The following MYO1F variants were observed in gnomAD, a reference collection of about 807,000 sequenced individuals.
MYO1F encodes unconventional myosin-If.
A neutral mutation model predicts 146.6 loss-of-function variants in MYO1F; 60 were observed. The ratio of observed to expected loss-of-function variants is 0.41; its 90% confidence interval spans 0.33 to 0.51. The LOEUF is 0.51. Ranked by LOEUF, MYO1F falls within the 20% of genes least tolerant of loss-of-function variation. The pLI is 0.25. For missense variants in MYO1F, 1,274 were observed against 1,534.3 expected, an observed-to-expected ratio of 0.83 and a Z score of 2.83; for synonymous variants, 602 against 602.1, an observed-to-expected ratio of 1.00 and a Z score of 0.00.
chr19:8,552,613 CTGAAGTCTATGA>C (rs1973661671), intron 6 of MYO1F, among the ~76,000 whole-genome samples: 1 of 152,038 alleles, frequency 6.6e-6, no homozygotes, highest in Non-Finnish European at 1.5e-5. Flanking sequence ...AGGTGTAATA[CTGAAGTCTATGA>C]GATGGATATT....
Position 8,546,383 on chromosome 19 carries a change from C to T in MYO1F, c.1270-647G>A, listed in dbSNP as rs571781107. Among the ~76,000 whole-genome samples the T allele has an allele frequency of 9.3e-5, 14 of 150,912 alleles. No individual in the cohort carries two copies. The East Asian group carries it at 9.8e-4, about 11-fold the overall frequency. On this transcript the variant is annotated intron_variant, in intron 12 of 27. Transcript: ENST00000644032. Reference sequence around the variant, plus strand: ...ACAGCTTGCTTTTTTTTTTTGAGACCGGGTTTTGCTCTGTTACCCAGGCTG... The same window carrying T: ...ACAGCTTGCTTTTTTTTTTTGAGACTGGGTTTTGCTCTGTTACCCAGGCTG...
chr19:8,545,304 G>C (rs1465263140), intron 13 of MYO1F: 1 of 332,506 alleles, frequency 3.0e-6, no homozygotes, highest in Non-Finnish European at 5.9e-6. Flanking sequence ...GGTCAGGCTG[G>C]TCTCGAACTC....
chr19:8,557,296 AAAC>A (rs1973902473), intron 1 of MYO1F, among the ~76,000 whole-genome samples: 1 of 152,042 alleles, frequency 6.6e-6, no homozygotes, highest in Non-Finnish European at 1.5e-5. Flanking sequence ...ACAACCAAAC[AAAC>A]AACAAAAAAA....
Position 8,526,825 on chromosome 19 carries a change from G to A in MYO1F, c.2585C>T (p.Ala862Val), listed in dbSNP as rs528354232. The A allele has an allele frequency of 5.0e-6, 8 of 1,613,588 alleles. No homozygotes were observed. The highest frequency in any genetic ancestry group is 6.8e-6 in the Non-Finnish European group (8 of 1,179,864). ...GGTGAGGGGCAGGGGCCTCCGCGTC[G>A]CCTCCTCGAAGCGCTTGCACAGAAG... ...VSLLCKRFEE[A>V]TRRPLPLTFS... Residue 862 changes from alanine to valine, a missense_variant, in exon 23 of 28, where the codon GCG becomes GTG. Physicochemically the swap from Ala to Val is moderately conservative, Grantham distance 64. This residue lies in a region of MYO1F where 374 missense variants were observed against 379.2 expected (regional missense o/e 0.99). Coordinates refer to ENST00000644032, the MANE Select transcript of MYO1F (RefSeq NM_012335.4).
At chr19:8,554,015 G>A (rs568298529) in intron 4 of MYO1F, among the ~76,000 whole-genome samples, 1 of 151,936 alleles carries the variant, frequency 6.6e-6, no homozygotes, top group African/African-American at 2.4e-5. Context: ...GGAGTGCAGT[G>A]GTGTGATCAT....
intron 12 of MYO1F, among the ~76,000 whole-genome samples, chr19:8,546,828 A>T (rs1462389575): frequency 6.6e-6 from 1 of 152,034 alleles, no homozygotes; most frequent in African/African-American, 2.4e-5. Flanking sequence ...ACAGGTGCCC[A>T]GCACCACACC....
Position 8,574,577 on chromosome 19 carries a change from T to TTCTTTC in MYO1F, c.3+2729_3+2730insGAAAGA, listed in dbSNP as rs1335184271. Among the ~76,000 whole-genome samples the TTCTTTC allele has an allele frequency of 3.0e-3, 240 of 79,662 alleles. 1 individual carries two copies. The highest frequency in any genetic ancestry group is 6.0e-3 in the Middle Eastern group (1 of 166). 52.3% of individuals were successfully genotyped at this position (79,662 alleles called of 152,430 possible). On this transcript the variant is annotated intron_variant, in intron 1 of 27. Transcript: ENST00000644032. ...TTTCTTTCTTTCTTTCTTTCTTTCT[T>TTCTTTC]TCTCTCTCTCTCTCTCTCTCTTTCT...
rs1972303387 is a variant in MYO1F at position 8,527,077 on chromosome 19, G to A, written c.2475-142C>T. The stretch of plus-strand genomic sequence containing the variant: ...GCGGTGACCAGGTAGGAGAAAAAGG[G>A]GGATGTGGCAAGGAGTGGAAGAGGT... On this transcript the variant is annotated intron_variant, in intron 22 of 27. Transcript: ENST00000644032. The A allele has an allele frequency of 1.3e-5, 16 of 1,194,372 alleles. No individual in the cohort carries two copies. In the South Asian group the frequency reaches 2.0e-4, roughly 15 times the overall value. The allele number at this position is 1,194,372 out of a possible 1,614,324, so 74.0% of individuals were successfully genotyped here.
At chr19:8,574,552 T>TC (rs2042170959) in intron 1 of MYO1F, among the ~76,000 whole-genome samples, 1 of 83,674 alleles carries the variant, frequency 1.2e-5, no homozygotes, top group African/African-American at 5.8e-5. Context: ...TCTTTCTTTC[T>TC]TTCTTTCTTT....
intron 19 of MYO1F, among the ~76,000 whole-genome samples, chr19:8,535,768 C>T (rs1348830703): frequency 6.6e-6 from 1 of 152,034 alleles, no homozygotes; most frequent in Non-Finnish European, 1.5e-5. Context: ...CAACCTCTGC[C>T]TCCTGGGTTC....
At position 8,545,700 on chromosome 19, in the gene MYO1F, T is replaced by C. The variant is rs770222425; in HGVS notation, c.1306A>G (p.Ile436Val). ...YVQEGIRWTP[I>V]QYFNNKVVCD... The stretch of plus-strand genomic sequence containing the variant: ...ACGACCTTGTTGTTGAAGTACTGGA[T>C]TGGAGTCCAGCGGATGCCTTCCTGC... The change falls in exon 13 of 28, where the codon ATC (isoleucine) becomes GTC (valine). Residue 436 changes from isoleucine (I) to valine (V), a missense_variant. Ile to Val is a conservative substitution (Grantham distance 29). Transcript: ENST00000644032. 5 of 1,613,986 alleles carry C rather than the reference T, an allele frequency of 3.1e-6. No individual in the cohort carries two copies. The highest frequency in any genetic ancestry group is 1.3e-5 in the African/African-American group (1 of 74,906).
chr19:8,551,992 C>T, intron 7 of MYO1F, 41 bp downstream of exon 7: 1 of 1,613,922 alleles, frequency 6.2e-7, no homozygotes, highest in Non-Finnish European at 8.5e-7. Context: ...CCCCGCTGGG[C>T]TCCAGGTGGT....
In MYO1F at chr19:8,521,532, ATCT is replaced by A; in HGVS notation, c.3290_3292del (p.Lys1097del). 6.2e-7 allele frequency: 1 copy of A among 1,614,090 alleles called. No homozygotes were observed. The highest frequency in any genetic ancestry group is 8.5e-7 in the Non-Finnish European group (1 of 1,179,994). On this transcript the variant is annotated inframe_deletion, in exon 28 of 28. Transcript: ENST00000644032. ...GGCAGTATCCCAGGGCCCAGCTCAG[ATCT>A]TCTCCACGTAGTTTCCTGGGAAAAG...
At chr19:8,576,154 G>A (rs910633926) in intron 1 of MYO1F, among the ~76,000 whole-genome samples, 9 of 152,108 alleles carry the variant, frequency 5.9e-5, no homozygotes, top group African/African-American at 1.7e-4. Flanking sequence ...GTGCCACCAC[G>A]CCCAGTTAAT....
Position 8,577,168 on chromosome 19 carries a change from C to T in MYO1F, c.3+139G>A, listed in dbSNP as rs1294609378. 3 of 1,040,954 alleles carry T rather than the reference C, an allele frequency of 2.9e-6. No individual in the cohort carries two copies. The highest frequency in any genetic ancestry group is 4.4e-6 in the Non-Finnish European group (3 of 685,198). The allele number at this position is 1,040,954 out of a possible 1,614,324, so 64.5% of individuals were successfully genotyped here. A position where few individuals can be genotyped will look rare whatever the true frequency, so the allele number is the denominator to read the frequency against. On this transcript the variant is annotated intron_variant, in intron 1 of 27. Coordinates refer to ENST00000644032, the MANE Select transcript of MYO1F (RefSeq NM_012335.4). The surrounding 1 kb of genome is among the most constrained non-coding windows in gnomAD (Gnocchi z 4.3). ...GGATGCTGGAGGCACCTGAGCTGCACTGAGAGACACCCCACCCCCACAGAA... is the reference window on the plus strand; with the variant it reads ...GGATGCTGGAGGCACCTGAGCTGCATTGAGAGACACCCCACCCCCACAGAA...
At chr19:8,522,191 T>G (rs534159217) in intron 27 of MYO1F, among the ~76,000 whole-genome samples, 186 bp downstream of exon 27, 1 of 151,812 alleles carries the variant, frequency 6.6e-6, no homozygotes, top group South Asian at 2.1e-4. Context: ...CCCGGCTAAT[T>G]TTTTGTATTT....
In MYO1F at chr19:8,555,809, AG is replaced by A. The variant is rs1453122804; in HGVS notation, c.4-14del. 1.9e-6 allele frequency: 3 copies of A among 1,607,272 alleles called. No individual in the cohort carries two copies. Among genetic ancestry groups the A allele is most frequent in the Non-Finnish European group, 2.5e-6 (3 of 1,177,084 alleles). On this transcript the variant is annotated splice_polypyrimidine_tract_variant and intron_variant, in intron 1 of 27. Coordinates refer to ENST00000644032, the MANE Select transcript of MYO1F (RefSeq NM_012335.4). ...GCTCCTTGCTGCCCTGGGGGGTGAG[AG>A]GGGGGTCGGGGTGAGCCCTTGCACG...
Position 8,530,304 on chromosome 19 carries a change from G to A in MYO1F, c.2220C>T (p.Val740=), listed in dbSNP as rs1313324103. 2 of 1,613,988 alleles carry A rather than the reference G, an allele frequency of 1.2e-6. No homozygotes were observed. Among genetic ancestry groups the A allele is most frequent in the African/African-American group, 1.3e-5 (1 of 74,910 alleles). ...RRRNSINRNF[V]GDYLGLEERP... is the part of the protein sequence containing the mutation. ...GCTCCTCCAGCCCCAGGTAGTCCCC[G>A]ACGAAGTTCCGATTGATGCTGTTGC... The change falls in exon 21 of 28, where the codon GTC becomes GTT. Residue 740 remains valine (V), a synonymous_variant. Transcript: ENST00000644032. This position sits in a 1 kb window ranked among gnomAD's most constrained non-coding sequence, Gnocchi z 5.8.
In MYO1F at chr19:8,522,932, C is replaced by T. The variant is rs368634902; in HGVS notation, c.2855-103G>A. On this transcript the variant is annotated intron_variant, in intron 25 of 27. Coordinates refer to ENST00000644032, the MANE Select transcript of MYO1F (RefSeq NM_012335.4). ...CAGGCTGAGGGAGGAGACTGCGACACTCTCAACCCAGTGTGGTAAGGATTG... is the reference window on the plus strand; with the variant it reads ...CAGGCTGAGGGAGGAGACTGCGACATTCTCAACCCAGTGTGGTAAGGATTG... The T allele has an allele frequency of 1.3e-4, 134 of 1,017,692 alleles. No individual in the cohort carries two copies. In the Middle Eastern group the frequency reaches 1.5e-3, roughly 11 times the overall value. 63.0% of individuals were successfully genotyped at this position (1,017,692 alleles called of 1,614,324 possible). A position where few individuals can be genotyped will look rare whatever the true frequency, so the allele number is the denominator to read the frequency against.
Sources: gnomAD v4.1 joint callset for allele counts (sites outside exome capture counted in the v4.1 genomes callset) on GRCh38, gnomAD v4.1.1 for gene constraint, gnomAD v4.1.1 regional missense constraint, Gnocchi (gnomAD v3.1) non-coding constraint, MANE v1.5 for transcripts, NCBI Gene and HGNC (gene_info 2026-07-23, HGNC 2026-07-21) for gene names.